Variants in TBPL2 observed in about 807,000 individuals in gnomAD.
TBPL2 encodes TATA-box binding protein like 2.
TBPL2 carries 40 observed loss-of-function variants against 38.2 expected under a neutral mutation model. The ratio of observed to expected loss-of-function variants is 1.05; its 90% CI spans 0.81 to 1.36. The LOEUF (loss-of-function observed/expected upper bound fraction) is 1.36. Ranked by LOEUF, TBPL2 falls within the 40% of genes most tolerant of loss-of-function variation. TBPL2 has a pLI of 0.00. For missense variants in TBPL2, 461 were observed against 456.7 expected, an observed-to-expected ratio of 1.01 and a Z score of -0.09; for synonymous variants, 169 against 171.7, an observed-to-expected ratio of 0.98 and a Z score of 0.12.
chr14:55,428,193 G>A lies in TBPL2; in HGVS notation c.956+614C>T, dbSNP rs542211200. ...CGCCCAGGCTGGAGTCCAGTGGCGC[G>A]AGGTCGGCTCACTGCAAGCTCCACC... On this transcript the variant is annotated intron_variant, in intron 5 of 6. Transcript: ENST00000247219. 3.5e-4 allele frequency among the ~76,000 whole-genome samples: 46 copies of A among 132,828 alleles called. 1 individual carries two copies. The South Asian group carries it at 0.011, about 32-fold the overall frequency. The allele number at this position is 132,828 out of a possible 152,430, so 87.1% of individuals were successfully genotyped here.
chr14:55,425,333 A>G (rs1365239451), intron 5 of TBPL2, among the ~76,000 whole-genome samples: 3 of 152,230 alleles, frequency 2.0e-5, no homozygotes, highest in African/African-American at 7.2e-5. Flanking sequence ...CTCCAGGGCT[A>G]TGAGATCCAG....
chr14:55,419,622 C>T (rs527412734), intron 6 of TBPL2, among the ~76,000 whole-genome samples: 1 of 152,318 alleles, frequency 6.6e-6, no homozygotes, highest in East Asian at 1.9e-4. Context: ...TTTCAGCTTA[C>T]TTGACTATAA....
chr14:55,440,464 C>T lies in TBPL2; in HGVS notation c.82G>A (p.Val28Met), dbSNP rs751197069. The T allele has an allele frequency of 1.2e-6, 2 of 1,609,140 alleles. No individual in the cohort carries two copies. The highest frequency in any genetic ancestry group is 1.7e-5 in the Admixed American group (1 of 59,994). ...TCCTGCTCCATGGACCGTAATCCCA[C>T]TGTTGGGGGTGGGGGCGGGTAAGAG... The change falls in exon 1 of 7, where the codon GTG (valine) becomes ATG (methionine). Residue 28 changes from valine to methionine, a missense_variant. Val to Met is a conservative substitution (Grantham distance 21). The change creates a new upstream start codon in the 5' untranslated region. Transcript: ENST00000247219.
chr14:55,437,857 A>G (rs1178767080), intron 1 of TBPL2, among the ~76,000 whole-genome samples: 3 of 152,354 alleles, frequency 2.0e-5, no homozygotes, highest in African/African-American at 7.2e-5. Context: ...GAATTCTTGT[A>G]ATGTTCTAGT....
intron 4 of TBPL2, among the ~76,000 whole-genome samples, chr14:55,430,910 T>G (rs985189796): frequency 3.9e-5 from 6 of 152,252 alleles, no homozygotes; most frequent in African/African-American, 1.4e-4. Flanking sequence ...TGTTCAAGTT[T>G]GCATAGTCCT....
At chr14:55,433,309 C>CTTT (rs71131269) in intron 4 of TBPL2, among the ~76,000 whole-genome samples, 1,756 of 119,774 alleles carry the variant, frequency 0.015, 60 homozygotes, top group African/African-American at 0.055. Flanking sequence ...TTAGATTTCT[C>CTTT]TTTTTTTTTT....
chr14:55,417,023 G>A (rs768465325), intron 6 of TBPL2, among the ~76,000 whole-genome samples: 9 of 152,244 alleles, frequency 5.9e-5, no homozygotes, highest in Non-Finnish European at 1.2e-4. Flanking sequence ...AGCTCAAGGA[G>A]TATACCATCT....
chr14:55,426,800 C>A (rs146936625), intron 5 of TBPL2, among the ~76,000 whole-genome samples: 1 of 152,182 alleles, frequency 6.6e-6, no homozygotes, highest in Non-Finnish European at 1.5e-5. Flanking sequence ...GGGCCCACTC[C>A]GTCTGATGTA....
At chr14:55,420,503 G>A (rs1017994084) in intron 6 of TBPL2, among the ~76,000 whole-genome samples, 5 of 150,590 alleles carry the variant, frequency 3.3e-5, no homozygotes, top group African/African-American at 1.2e-4. Flanking sequence ...CAGGTAAAAC[G>A]CCAAGAGATG....
chr14:55,415,548 T>C (rs976160218), intron 6 of TBPL2, among the ~76,000 whole-genome samples: 6 of 152,200 alleles, frequency 3.9e-5, no homozygotes, highest in African/African-American at 1.2e-4. Flanking sequence ...ACAGCTTAAA[T>C]GCCCGTCAAT....
chr14:55,421,933 T>G lies in TBPL2; in HGVS notation c.1051+2226A>C, dbSNP rs117810463. Reference sequence around the variant, plus strand: ...ATATAAAAGTCTCAATTTTTTTAGATGAGGCAAGATTTTATAAAATTCTAG... The same window carrying G: ...ATATAAAAGTCTCAATTTTTTTAGAGGAGGCAAGATTTTATAAAATTCTAG... On this transcript the variant is annotated intron_variant, in intron 6 of 6. Coordinates refer to ENST00000247219, the Ensembl canonical transcript of TBPL2. 2.1e-4 allele frequency among the ~76,000 whole-genome samples: 32 copies of G among 152,306 alleles called. No individual in the cohort carries two copies. In the East Asian group the frequency reaches 5.8e-3, roughly 28 times the overall value.
intron 4 of TBPL2, among the ~76,000 whole-genome samples, 157 bp from the exon 5 acceptor site, chr14:55,429,131 G>A (rs759988618): frequency 2.6e-5 from 4 of 152,270 alleles, no homozygotes; most frequent in Non-Finnish European, 4.4e-5. Context: ...CCATACTTTC[G>A]TCCCTAGCAC....
intron 1 of TBPL2, among the ~76,000 whole-genome samples, chr14:55,438,527 A>G (rs1287839006): frequency 6.6e-6 from 1 of 152,146 alleles, no homozygotes; most frequent in Non-Finnish European, 1.5e-5. Context: ...AATTTACGCT[A>G]AAGCACCAAA....
exon 2 of TBPL2, chr14:55,436,865 G>A (rs2140180505): frequency 6.2e-7 from 1 of 1,614,188 alleles, no homozygotes; most frequent in South Asian, 1.1e-5. Context: ...TCATCTGGTA[G>A]GAAGCTAAGA....
At chr14:55,417,413 C>T (rs1419088025) in intron 6 of TBPL2, among the ~76,000 whole-genome samples, 2 of 148,928 alleles carry the variant, frequency 1.3e-5, no homozygotes, top group Non-Finnish European at 3.0e-5. Flanking sequence ...TCAAAAACCC[C>T]AATTTGTAAT....
At position 55,432,529 on chromosome 14, in the gene TBPL2, AAAAC is replaced by A. The variant is rs1648587529; in HGVS notation, c.788+1097_788+1100del. On this transcript the variant is annotated intron_variant, in intron 4 of 6. Coordinates refer to ENST00000247219, the Ensembl canonical transcript of TBPL2. ...AATGGTGAAAATAGTTAACAAAACA[AAAAC>A]AAAAGATAAATCTCTCCATAGATAA... Among the ~76,000 whole-genome samples the A allele has an allele frequency of 3.7e-5, 5 of 136,970 alleles. No individual in the cohort carries two copies. In the South Asian group the frequency reaches 8.5e-4, roughly 23 times the overall value. 89.9% of individuals were successfully genotyped at this position (136,970 alleles called of 152,430 possible). A position where few individuals can be genotyped will look rare whatever the true frequency, so the allele number is the denominator to read the frequency against.
At chr14:55,428,917 C>T in exon 5 of TBPL2, 1 of 1,614,164 alleles carries the variant, frequency 6.2e-7, no homozygotes, top group African/African-American at 1.3e-5. Context: ...TGGCAGGGAA[C>T]CCAAGCTTCT....
chr14:55,428,712 TCACAA>T, intron 5 of TBPL2, 90 bp downstream of exon 5: 6 of 1,293,898 alleles, frequency 4.6e-6, no homozygotes, highest in Middle Eastern at 2.8e-4. Context: ...TTTTTTTTAA[TCACAA>T]TTTCTCTGAA....
chr14:55,433,825 A>T (rs1332228332), intron 3 of TBPL2, 104 bp from the exon 4 acceptor site: 1 of 952,842 alleles, frequency 1.0e-6, no homozygotes, highest in Non-Finnish European at 1.6e-6. Flanking sequence ...ATTGGATGGG[A>T]AAACTAAATG....
Sources: gnomAD v4.1 joint callset for allele counts (sites outside exome capture counted in the v4.1 genomes callset) on GRCh38, gnomAD v4.1.1 for gene constraint, MANE v1.5 for transcripts, NCBI Gene and HGNC (gene_info 2026-07-23, HGNC 2026-07-21) for gene names.